Variants in DMRTA1 observed in about 807,000 individuals in gnomAD.
DMRTA1 encodes the protein DMRT like family A1.
Under a neutral mutation model 35.2 loss-of-function variants are expected in DMRTA1, and 34 were observed. The ratio of observed to expected loss-of-function variants is 0.97; its 90% CI spans 0.74 to 1.29. The LOEUF is 1.29. DMRTA1 is among the 50% of genes most tolerant of loss of function. The pLI is 0.00. For missense variants in DMRTA1, 824 were observed against 644.6 expected (o/e 1.28, Z -3.01); for synonymous variants, 344 against 276.6 (o/e 1.24, Z -2.42).
chr9:22,450,371 A>C (rs1383109310), intron 1 of DMRTA1, among the ~76,000 whole-genome samples: 1 of 149,666 alleles, frequency 6.7e-6, no homozygotes, highest in Non-Finnish European at 1.5e-5. Context: ...AGTACATTTC[A>C]TAGAGGATTA....
rs751700755 is a variant in DMRTA1 at position 22,451,799 on chromosome 9, C to T, written c.1403C>T (p.Pro468Leu). 9 of 1,613,946 alleles carry T rather than the reference C, an allele frequency of 5.6e-6. No individual in the cohort carries two copies. Among genetic ancestry groups the T allele is most frequent in the African/African-American group, 2.7e-5 (2 of 74,922 alleles). Residue 468 changes from proline (P) to leucine (L), a missense_variant, in exon 2 of 2, where the codon CCA (proline) becomes CTA (leucine). Physicochemically the swap from Pro to Leu is moderately conservative, Grantham distance 98. Transcript: ENST00000325870. ...PGLVPTLPFR[P>L]ALDYAFSGMI... is the part of the protein sequence containing the mutation. Reference sequence around the variant, plus strand: ...TTAGTACCAACCTTACCTTTTCGGCCAGCTTTGGATTATGCCTTTTCAGGG... The same window carrying T: ...TTAGTACCAACCTTACCTTTTCGGCTAGCTTTGGATTATGCCTTTTCAGGG...
rs1404268814 is a variant in DMRTA1 at position 22,451,861 on chromosome 9, T to C, written c.1465T>C (p.Ser489Pro). 2.5e-6 allele frequency: 4 copies of C among 1,613,976 alleles called. No homozygotes were observed. Among genetic ancestry groups the C allele is most frequent in the East Asian group, 4.5e-5 (2 of 44,870 alleles). Residue 489 changes from serine (S) to proline (P), a missense_variant, in exon 2 of 2, where the codon TCA becomes CCA. By Grantham distance (74) the Ser-to-Pro change is moderately conservative. Coordinates refer to ENST00000325870, the MANE Select transcript of DMRTA1 (RefSeq NM_022160.3). The stretch of plus-strand genomic sequence containing the variant: ...TTCTTCCTACCTTTCCAGTAAAGAC[T>C]CAATAACTTGTGGCAGACTGTACTT... ...RDSSYLSSKD[S>P]ITCGRLYFRP...
chr9:22,449,024 C>A (rs1818884049), intron 1 of DMRTA1, among the ~76,000 whole-genome samples: 1 of 152,168 alleles, frequency 6.6e-6, no homozygotes, highest in Admixed American at 6.5e-5. Context: ...CTGTGAGACA[C>A]TGATTTATGT....
rs1339652126 is a variant in DMRTA1 at position 22,451,489 on chromosome 9, A to T, written c.1093A>T (p.Asn365Tyr). Residue 365 changes from asparagine (N) to tyrosine (Y), a missense_variant, in exon 2 of 2, where the codon AAT becomes TAT. Transcript: ENST00000325870. ...DVVQAIEQVL[N>Y]GKEHKPDNRN... ...GGTCCAAGCCATTGAACAGGTTTTA[A>T]ATGGCAAAGAACACAAGCCAGACAA... 2.5e-6 allele frequency: 4 copies of T among 1,614,156 alleles called. No homozygotes were observed. The Admixed American group carries it at 6.7e-5, about 27-fold the overall frequency.
intron 1 of DMRTA1, 74 bp from the exon 2 acceptor site, chr9:22,450,990 T>C (rs1355061492): frequency 4.9e-6 from 7 of 1,430,954 alleles, no homozygotes; most frequent in Non-Finnish European, 5.6e-6. Flanking sequence ...TATCCAGCAT[T>C]ATTTTTGAGT....
intron 1 of DMRTA1, among the ~76,000 whole-genome samples, chr9:22,450,256 A>G (rs963568298): frequency 1.3e-5 from 2 of 152,144 alleles, no homozygotes; most frequent in African/African-American, 4.8e-5. Flanking sequence ...TTAAAAGACA[A>G]TTTGAGGATT....
In DMRTA1 at chr9:22,453,618, C is replaced by G. The variant is rs1439150808; in HGVS notation, c.*1707C>G. 1 of 152,004 alleles carries G rather than the reference C, an allele frequency of 6.6e-6. No homozygotes were observed. Among genetic ancestry groups the G allele is most frequent in the Non-Finnish European group, 1.5e-5 (1 of 67,944 alleles). The allele number at this position is 152,004 out of a possible 1,614,324, so 9.4% of individuals were successfully genotyped here. On this transcript the variant is annotated 3_prime_UTR_variant, in exon 2 of 2. Coordinates refer to ENST00000325870, the MANE Select transcript of DMRTA1 (RefSeq NM_022160.3). ...TCTAGCAAGTAGTTGAAATTCAATTCATATATACTGAGTAAGAAACTCTTA... is the reference window on the plus strand; with the variant it reads ...TCTAGCAAGTAGTTGAAATTCAATTGATATATACTGAGTAAGAAACTCTTA...
chr9:22,451,664 C>G lies in DMRTA1; in HGVS notation c.1268C>G (p.Ser423Ter). 1 of 1,614,048 alleles carries G rather than the reference C, an allele frequency of 6.2e-7. No homozygotes were observed. Among genetic ancestry groups the G allele is most frequent in the Non-Finnish European group, 8.5e-7 (1 of 1,179,938 alleles). The change falls in exon 2 of 2, where the codon TCA (serine) becomes TGA (stop). Residue 423 changes from serine to a stop codon, truncating the protein, a stop_gained. Coordinates refer to ENST00000325870, the MANE Select transcript of DMRTA1 (RefSeq NM_022160.3). LOFTEE classifies it high-confidence loss of function. ...ACTTCTGCTTCTTATGGAGGTGATT[C>G]AAGTCTCTACGGCGTAAATCCTAGA... Reference protein sequence around the residue: ...QTTSASYGGDSSLYGVNPRVG... With the variant: ...QTTSASYGGD
In DMRTA1 at chr9:22,451,956, T is replaced by G. The variant is rs371450525; in HGVS notation, c.*45T>G. 20 of 1,601,258 alleles carry G rather than the reference T, an allele frequency of 1.2e-5. No homozygotes were observed. Among genetic ancestry groups the G allele is most frequent in the Non-Finnish European group, 1.6e-5 (19 of 1,173,486 alleles). ...TTTCTGGAGTTTTTCCAGCATACAA[T>G]ACATGCACGTGCACACACATACACA... On this transcript the variant is annotated 3_prime_UTR_variant, in exon 2 of 2. Coordinates refer to ENST00000325870, the MANE Select transcript of DMRTA1 (RefSeq NM_022160.3).
rs776744543 is a variant in DMRTA1 at position 22,447,226 on chromosome 9, T to C, written c.161T>C (p.Phe54Ser). The C allele has an allele frequency of 3.2e-6, 5 of 1,552,024 alleles. No individual in the cohort carries two copies. In the Admixed American group the frequency reaches 6.0e-5, roughly 19 times the overall value. ...GCGTTCCTGCGGCCGCCCAGCCTCTTTCTGCGAGCAGCGGCCGCGGCCGCC... is the reference window on the plus strand; with the variant it reads ...GCGTTCCTGCGGCCGCCCAGCCTCTCTCTGCGAGCAGCGGCCGCGGCCGCC... ...PPAFLRPPSL[F>S]LRAAAAAAAA... Residue 54 changes from phenylalanine (F) to serine (S), a missense_variant, in exon 1 of 2, where the codon TTT becomes TCT. Phe to Ser is a radical substitution (Grantham distance 155, BLOSUM62 -2). Coordinates refer to ENST00000325870, the MANE Select transcript of DMRTA1 (RefSeq NM_022160.3).
At chr9:22,449,695 T>A (rs1818894914) in intron 1 of DMRTA1, among the ~76,000 whole-genome samples, 1 of 152,148 alleles carries the variant, frequency 6.6e-6, no homozygotes, top group Admixed American at 6.5e-5. Flanking sequence ...GAAAATCCTA[T>A]AGAGTGTTTG....
chr9:22,451,396 A>G lies in DMRTA1; in HGVS notation c.1000A>G (p.Thr334Ala). 2 of 1,614,130 alleles carry G rather than the reference A, an allele frequency of 1.2e-6. No homozygotes were observed. Among genetic ancestry groups the G allele is most frequent in the Non-Finnish European group, 1.7e-6 (2 of 1,179,990 alleles). ...ACCAAGAGATCCTCTTGATATCCTT[A>G]CTAAGATTTTCCCAAATTACAGGCG... ...SRPRDPLDILTKIFPNYRRSR... is the reference protein window; with the variant it reads ...SRPRDPLDILAKIFPNYRRSR... Residue 334 changes from threonine to alanine, a missense_variant, in exon 2 of 2, where the codon ACT becomes GCT. Coordinates refer to ENST00000325870, the MANE Select transcript of DMRTA1 (RefSeq NM_022160.3).
rs1244415435 is a variant in DMRTA1 at position 22,453,650 on chromosome 9, A to G, written c.*1739A>G. On this transcript the variant is annotated 3_prime_UTR_variant, in exon 2 of 2. Coordinates refer to ENST00000325870, the MANE Select transcript of DMRTA1 (RefSeq NM_022160.3). Reference sequence around the variant, plus strand: ...ACTGAGTAAGAAACTCTTATATATAATAGATCTCTTTGAGACTCTGATAAA... The same window carrying G: ...ACTGAGTAAGAAACTCTTATATATAGTAGATCTCTTTGAGACTCTGATAAA... 1 of 152,130 alleles carries G rather than the reference A, an allele frequency of 6.6e-6. No homozygotes were observed. Among genetic ancestry groups the G allele is most frequent in the Non-Finnish European group, 1.5e-5 (1 of 67,964 alleles). 9.4% of individuals were successfully genotyped at this position (152,130 alleles called of 1,614,324 possible). A position where few individuals can be genotyped will look rare whatever the true frequency, so the allele number is the denominator to read the frequency against.
In DMRTA1 at chr9:22,454,284, T is replaced by C. The variant is rs1185203984; in HGVS notation, c.*2373T>C. ...TCCAATGTCTGAGGAAGGATTCATG[T>C]CTGTTTTTTTCATTCATGGCCTTGA... On this transcript the variant is annotated 3_prime_UTR_variant, in exon 2 of 2. Transcript: ENST00000325870. The C allele has an allele frequency of 6.6e-6, 1 of 152,122 alleles. No homozygotes were observed. The highest frequency in any genetic ancestry group is 1.9e-4 in the East Asian group (1 of 5,190). The allele number at this position is 152,122 out of a possible 1,614,324, so 9.4% of individuals were successfully genotyped here.
chr9:22,448,596 T>C (rs1196564828), intron 1 of DMRTA1, among the ~76,000 whole-genome samples: 1 of 139,238 alleles, frequency 7.2e-6, no homozygotes, highest in Non-Finnish European at 1.6e-5. Flanking sequence ...GAAAATATCA[T>C]TGTGATTTTT....
rs887336819 is a variant in DMRTA1 at position 22,454,741 on chromosome 9, G to A, written c.*2830G>A. 6.6e-6 allele frequency: 1 copy of A among 152,156 alleles called. No individual in the cohort carries two copies. The highest frequency in any genetic ancestry group is 6.5e-5 in the Admixed American group (1 of 15,272). 9.4% of individuals were successfully genotyped at this position (152,156 alleles called of 1,614,324 possible). On this transcript the variant is annotated 3_prime_UTR_variant, in exon 2 of 2. Transcript: ENST00000325870. ...ATTCTGTATCATATAGAGGGCCTAAGAGGCAAACATTTCATAGAGTATTCA... is the reference window on the plus strand; with the variant it reads ...ATTCTGTATCATATAGAGGGCCTAAAAGGCAAACATTTCATAGAGTATTCA...
Position 22,446,846 on chromosome 9 carries a change from C to T in DMRTA1, c.-220C>T. The T allele has an allele frequency of 1.7e-6, 1 of 571,522 alleles. No individual in the cohort carries two copies. Among genetic ancestry groups the T allele is most frequent in the Non-Finnish European group, 2.9e-6 (1 of 339,748 alleles). The allele number at this position is 571,522 out of a possible 1,614,324, so 35.4% of individuals were successfully genotyped here. ...ATTAACTTAGCGCCCGGGGTCTCTG[C>T]CAGGCTCACGGGACAGCTGCACCTC... On this transcript the variant is annotated 5_prime_UTR_variant, in exon 1 of 2. Transcript: ENST00000325870.
At chr9:22,450,278 C>T (rs1206436588) in intron 1 of DMRTA1, among the ~76,000 whole-genome samples, 1 of 151,946 alleles carries the variant, frequency 6.6e-6, no homozygotes, top group Non-Finnish European at 1.5e-5. Flanking sequence ...GTGTAGATTG[C>T]AATAGGACAG....
rs1818952640 is a variant in DMRTA1 at position 22,452,882 on chromosome 9, A to T, written c.*971A>T. The T allele has an allele frequency of 6.6e-6, 1 of 152,160 alleles. No individual in the cohort carries two copies. Among genetic ancestry groups the T allele is most frequent in the African/African-American group, 2.4e-5 (1 of 41,460 alleles). 9.4% of individuals were successfully genotyped at this position (152,160 alleles called of 1,614,324 possible). Reference sequence around the variant, plus strand: ...AGAATAATTTTATTCAGAAAACTAAAATAGCTGCTCAAATAAATATTTATT... The same window carrying T: ...AGAATAATTTTATTCAGAAAACTAATATAGCTGCTCAAATAAATATTTATT... On this transcript the variant is annotated 3_prime_UTR_variant, in exon 2 of 2. Coordinates refer to ENST00000325870, the MANE Select transcript of DMRTA1 (RefSeq NM_022160.3).
Sources: gnomAD v4.1 joint callset for allele counts (sites outside exome capture counted in the v4.1 genomes callset) on GRCh38, gnomAD v4.1.1 for gene constraint, MANE v1.5 for transcripts, NCBI Gene and HGNC (gene_info 2026-07-23, HGNC 2026-07-21) for gene names.